C12orf76: variants seen among roughly 807,000 people sequenced by gnomAD.
C12orf76 encodes the protein chromosome 12 open reading frame 76.
Under a neutral mutation model 6.8 loss-of-function variants are expected in C12orf76, and 6 were observed. That is an observed-to-expected ratio of 0.88 (90% CI 0.48 to 1.73). The LOEUF (loss-of-function observed/expected upper bound fraction) is 1.73, where lower values mean the gene tolerates loss of function less well. C12orf76 is among the 40% of genes most tolerant of loss of function. The pLI is 0.01. For synonymous variants in C12orf76, 56 were observed against 43.7 expected, an observed-to-expected ratio of 1.28 and a Z score of -1.11; for missense variants, 99 against 98.2, an observed-to-expected ratio of 1.01 and a Z score of -0.03.
At chr12:110,052,815 C>T (rs181344486), upstream of C12orf76, among the ~76,000 whole-genome samples, 1 of 152,304 alleles carries the variant, frequency 6.6e-6, no homozygotes, top group East Asian at 1.9e-4. Flanking sequence ...TATGTAACCA[C>T]CCAGGGAGCT....
At position 110,042,149 on chromosome 12, in the gene C12orf76, T is replaced by G. The variant is rs1393180855; in HGVS notation, c.*225A>C. On this transcript the variant is annotated 3_prime_UTR_variant, in exon 2 of 2. Transcript: ENST00000615315. ...CAGGTCTTACTTTTAACAAGTACAG[T>G]CAGAAACACTGAGAAGCGGACTCAG... 1.7e-6 allele frequency: 1 copy of G among 572,154 alleles called. No individual in the cohort carries two copies. 35.4% of individuals were successfully genotyped at this position (572,154 alleles called of 1,614,324 possible). A position where few individuals can be genotyped will look rare whatever the true frequency, so the allele number is the denominator to read the frequency against.
chr12:110,042,508 A>C (rs994906700), intron 1 of C12orf76, 49 bp from the exon 2 acceptor site: 1 of 1,230,658 alleles, frequency 8.1e-7, no homozygotes, highest in Non-Finnish European at 1.2e-6. Flanking sequence ...CAGGTTAGGC[A>C]ATTCATCCAC....
At chr12:110,051,417 T>C (rs916866235), upstream of C12orf76, 85 of 606,746 alleles carry the variant, frequency 1.4e-4, no homozygotes, top group Non-Finnish European at 2.3e-4. Context: ...ATAGGAAAGC[T>C]GCTGCCCCCA....
chr12:110,066,913 G>A (rs940623246), intron 1 of C12orf76, among the ~76,000 whole-genome samples: 6 of 152,144 alleles, frequency 3.9e-5, no homozygotes, highest in African/African-American at 9.7e-5. Flanking sequence ...CCATGGCGAC[G>A]GCCAGCCTGG....
chr12:110,048,446 A>G lies in C12orf76; in HGVS notation c.50T>C (p.Leu17Pro). 1.3e-6 allele frequency: 2 copies of G among 1,505,514 alleles called. No homozygotes were observed. Among genetic ancestry groups the G allele is most frequent in the Non-Finnish European group, 1.8e-6 (2 of 1,131,810 alleles). 93.3% of individuals were successfully genotyped at this position (1,505,514 alleles called of 1,614,324 possible). ...GCTCGGGGCCTCTGCCTCCCCCACC[A>G]GGAGGCTGCAGAGGCCAAGGTACAG... is the stretch of plus-strand genomic sequence containing the variant. ...PWLYLGLCSLLVGEAEAPSPV... is the reference protein window; with the variant it reads ...PWLYLGLCSLPVGEAEAPSPV... Residue 17 changes from leucine (L) to proline (P), a missense_variant, in exon 1 of 2, where the codon CTG (leucine) becomes CCG (proline). Physicochemically the swap from Leu to Pro is moderately conservative, Grantham distance 98. Transcript: ENST00000615315.
At chr12:110,068,835 T>C (rs1892925540), upstream of C12orf76, among the ~76,000 whole-genome samples, 1 of 152,174 alleles carries the variant, frequency 6.6e-6, no homozygotes, top group Non-Finnish European at 1.5e-5. Flanking sequence ...GATTGCCACC[T>C]ATGGTCCACA....
At chr12:110,059,367 C>T (rs560080694) in intron 2 of C12orf76, among the ~76,000 whole-genome samples, 11 of 152,294 alleles carry the variant, frequency 7.2e-5, no homozygotes, top group African/African-American at 2.2e-4. Context: ...TATTGCTTTT[C>T]TTGTCTAATT....
upstream of C12orf76, among the ~76,000 whole-genome samples, chr12:110,069,667 AG>A (rs1182021720): frequency 2.0e-5 from 3 of 152,206 alleles, no homozygotes; most frequent in Admixed American, 6.5e-5. Flanking sequence ...CTAGATTTAA[AG>A]GCAGAGCAGC....
At chr12:110,062,972 G>A (rs573144566) in intron 2 of C12orf76, among the ~76,000 whole-genome samples, 2 of 149,522 alleles carry the variant, frequency 1.3e-5, no homozygotes, top group South Asian at 4.2e-4. Context: ...TTAGAGTCTC[G>A]CTTGGCTGCC....
At chr12:110,045,260 T>G (rs924021710) in intron 1 of C12orf76, among the ~76,000 whole-genome samples, 1 of 152,204 alleles carries the variant, frequency 6.6e-6, no homozygotes, top group African/African-American at 2.4e-5. Context: ...TTAAGAACAT[T>G]TTCTTGCATC....
At chr12:110,063,505 G>T (rs1439862849) in intron 2 of C12orf76, among the ~76,000 whole-genome samples, 2 of 151,218 alleles carry the variant, frequency 1.3e-5, no homozygotes, top group Non-Finnish European at 2.9e-5. Context: ...GGTCAGGCTG[G>T]TCTCAAACTC....
upstream of C12orf76, among the ~76,000 whole-genome samples, chr12:110,068,441 A>G (rs1892920573): frequency 6.6e-6 from 1 of 152,188 alleles, no homozygotes. Flanking sequence ...CAATCTCTTC[A>G]ACTGCCCAGT....
At chr12:110,059,383 G>A (rs542419899) in intron 2 of C12orf76, among the ~76,000 whole-genome samples, 2 of 152,188 alleles carry the variant, frequency 1.3e-5, no homozygotes, top group Non-Finnish European at 2.9e-5. Context: ...TAATTGCTCT[G>A]GCTAGAACTT....
chr12:110,057,995 C>T (rs948381626), intron 3 of C12orf76, among the ~76,000 whole-genome samples: 2 of 130,646 alleles, frequency 1.5e-5, no homozygotes, highest in Admixed American at 9.4e-5. Context: ...ACCCATGAGG[C>T]GGGGATTGCA....
chr12:110,041,619 G>A lies in C12orf76; in HGVS notation c.*755C>T, dbSNP rs1172416474. On this transcript the variant is annotated 3_prime_UTR_variant, in exon 2 of 2. Transcript: ENST00000615315. ...CTGAGCCTTTTACATTCCAAATCTG[G>A]AAAGCTGCCTCAAGTTTCAGACCGT... 1 of 152,252 alleles carries A rather than the reference G, an allele frequency of 6.6e-6. No individual in the cohort carries two copies. The highest frequency in any genetic ancestry group is 1.5e-5 in the Non-Finnish European group (1 of 68,076). 9.4% of individuals were successfully genotyped at this position (152,252 alleles called of 1,614,324 possible).
upstream of C12orf76, chr12:110,048,699 A>C (rs1892518794): frequency 1.6e-6 from 2 of 1,237,792 alleles, no homozygotes; most frequent in African/African-American, 1.6e-5. Flanking sequence ...CCCCCGGACC[A>C]ACTTTCCGTT....
chr12:110,070,229 C>A (rs1892944898), upstream of C12orf76, among the ~76,000 whole-genome samples: 1 of 148,078 alleles, frequency 6.8e-6, no homozygotes, highest in South Asian at 2.1e-4. Flanking sequence ...CAGAGTAAGA[C>A]CCCATTTCAA....
intron 3 of C12orf76, among the ~76,000 whole-genome samples, chr12:110,058,680 AAAAG>A (rs1469334683): frequency 2.0e-5 from 3 of 152,288 alleles, no homozygotes; most frequent in East Asian, 1.9e-4. Flanking sequence ...CAAAAAAAAG[AAAAG>A]AAAGAAAGAA....
At chr12:110,042,658 T>G (rs1188961255) in intron 1 of C12orf76, 199 bp from the exon 2 acceptor site, 27 of 688,854 alleles carry the variant, frequency 3.9e-5, no homozygotes, top group Non-Finnish European at 6.6e-5. Context: ...GCATTTCACA[T>G]AGCTTGATAT....
Sources: gnomAD v4.1 joint callset for allele counts (sites outside exome capture counted in the v4.1 genomes callset) on GRCh38, gnomAD v4.1.1 for gene constraint, MANE v1.5 for transcripts, NCBI Gene and HGNC (gene_info 2026-07-23, HGNC 2026-07-21) for gene names.